ENPP1: variants seen among roughly 807,000 people sequenced by gnomAD.
ENPP1 encodes ectonucleotide pyrophosphatase/phosphodiesterase family member 1.
ENPP1 carries 73 observed loss-of-function variants against 122.8 expected under a neutral mutation model. That is an observed-to-expected ratio of 0.59 (90% CI 0.49 to 0.72). The LOEUF (loss-of-function observed/expected upper bound fraction) is 0.72, where lower values mean the gene tolerates loss of function less well. ENPP1 is among the 30% of genes least tolerant of loss of function. The probability of loss-of-function intolerance (pLI) is 0.00; values close to 1 mark genes in which losing one functional copy is unlikely to be tolerated. For synonymous variants in ENPP1, 367 were observed against 391.6 expected (o/e 0.94, Z 0.74); for missense variants, 978 against 1,128.1 (o/e 0.87, Z 1.91).
At chr6:131,828,354 G>T in intron 1 of ENPP1, 1 of 411,558 alleles carries the variant, frequency 2.4e-6, no homozygotes. Flanking sequence ...ATGATTTTAA[G>T]ATGTGATAAG....
At chr6:131,808,868 C>T (rs373969311) in intron 1 of ENPP1, among the ~76,000 whole-genome samples, 5 of 152,280 alleles carry the variant, frequency 3.3e-5, no homozygotes, top group Admixed American at 3.3e-4. Context: ...CTCTTCTAAC[C>T]AGAGGCTACA....
chr6:131,878,972 T>G (rs188260418), intron 19 of ENPP1, among the ~76,000 whole-genome samples: 2 of 152,210 alleles, frequency 1.3e-5, no homozygotes, highest in Non-Finnish European at 2.9e-5. Flanking sequence ...TATATATTGA[T>G]TTATTGATCT....
intron 1 of ENPP1, among the ~76,000 whole-genome samples, chr6:131,818,827 T>C (rs948729844): frequency 3.3e-5 from 5 of 152,212 alleles, no homozygotes; most frequent in Admixed American, 3.3e-4. Context: ...CAAGCTGAAC[T>C]AATTTTTTTT....
At chr6:131,825,944 TC>T (rs1489942052) in intron 1 of ENPP1, 7 of 487,148 alleles carry the variant, frequency 1.4e-5, no homozygotes, top group African/African-American at 1.3e-4. Flanking sequence ...GAGCATACTT[TC>T]AAAAATGATT....
chr6:131,832,338 C>G (rs1208286870), intron 1 of ENPP1, among the ~76,000 whole-genome samples: 1 of 152,182 alleles, frequency 6.6e-6, no homozygotes, highest in Non-Finnish European at 1.5e-5. Flanking sequence ...CCACCCATGC[C>G]TCCATTGCAC....
At chr6:131,845,585 G>A (rs1781799705) in intron 1 of ENPP1, among the ~76,000 whole-genome samples, 1 of 151,318 alleles carries the variant, frequency 6.6e-6, no homozygotes, top group South Asian at 2.1e-4. Flanking sequence ...GCGCCCCCGA[G>A]CAGCAGGGAT....
intron 1 of ENPP1, among the ~76,000 whole-genome samples, chr6:131,843,962 G>T (rs76420389): frequency 0.018 from 2,673 of 151,996 alleles, 84 homozygotes; most frequent in African/African-American, 0.061. Flanking sequence ...AGTTTGTTTT[G>T]TGTGTGTATG....
At position 131,869,511 on chromosome 6, in the gene ENPP1, C is replaced by G. The variant is rs774719252; in HGVS notation, c.1405+22C>G. 5.6e-6 allele frequency: 9 copies of G among 1,609,802 alleles called. No individual in the cohort carries two copies. In the African/African-American group the frequency reaches 1.1e-4, roughly 19 times the overall value. The stretch of plus-strand genomic sequence containing the variant: ...TCATGTAAGTATATCTCTGTGATAA[C>G]TTTGAATATGGTCATATTAAGAATA... On this transcript the variant is annotated intron_variant, in intron 13 of 24. Transcript: ENST00000647893.
chr6:131,834,362 A>G (rs528867755), intron 1 of ENPP1, among the ~76,000 whole-genome samples: 3 of 152,292 alleles, frequency 2.0e-5, no homozygotes, highest in African/African-American at 7.2e-5. Flanking sequence ...AAAGATTTCA[A>G]ATATAAAGGG....
intron 6 of ENPP1, among the ~76,000 whole-genome samples, chr6:131,858,090 C>G (rs572587898): frequency 6.6e-6 from 1 of 152,114 alleles, no homozygotes; most frequent in African/African-American, 2.4e-5. Flanking sequence ...TTATGTGTTC[C>G]CTCCTCAATA....
intron 1 of ENPP1, among the ~76,000 whole-genome samples, chr6:131,822,803 T>C (rs1409182): frequency 0.89 from 134,767 of 152,138 alleles, 59,955 homozygotes; most frequent in East Asian, 1. Flanking sequence ...CAAGAATTTC[T>C]AGCTTTTTGG....
rs368842220 is a variant in ENPP1 at position 131,862,696 on chromosome 6, A to G, written c.1025+992A>G. 1.0e-3 allele frequency among the ~76,000 whole-genome samples: 154 copies of G among 152,300 alleles called. 7 individuals are homozygous for G. The South Asian group carries it at 0.03, about 30-fold the overall frequency. On this transcript the variant is annotated intron_variant, in intron 9 of 24. Transcript: ENST00000647893. ...CAGGCTGGGTGGTGTCAGCTGATAC[A>G]TGGATTGCAGGGCATGGTCTGGTAA...
intron 1 of ENPP1, among the ~76,000 whole-genome samples, chr6:131,825,827 CCTTT>C (rs1781538917): frequency 6.6e-6 from 1 of 151,922 alleles, no homozygotes; most frequent in South Asian, 2.1e-4. Context: ...AATTGTGTTC[CCTTT>C]CTAATTATAA....
chr6:131,847,688 A>C, intron 1 of ENPP1, 88 bp from the exon 2 acceptor site: 1 of 931,480 alleles, frequency 1.1e-6, no homozygotes, highest in South Asian at 1.5e-5. Context: ...CCTGGGTAAC[A>C]GAGTAAGACA....
Position 131,861,613 on chromosome 6 carries a change from T to C in ENPP1, c.934T>C (p.Tyr312His). The C allele has an allele frequency of 1.2e-6, 2 of 1,612,628 alleles. No individual in the cohort carries two copies. The highest frequency in any genetic ancestry group is 1.7e-6 in the Non-Finnish European group (2 of 1,178,616). Residue 312 changes from tyrosine to histidine, a missense_variant, in exon 9 of 25, where the codon TAT (tyrosine) becomes CAT (histidine). Around this residue, in one of 3 missense-constraint regions of ENPP1, gnomAD observed 644 missense variants for 781.5 expected, o/e 0.82. Transcript: ENST00000647893. ...KGEPIWVTAK[Y>H]QGLKSGTFFW... ...GCTCCAGATTTGGGTCACAGCTAAG[T>C]ATCAAGGCCTCAAGTCTGGCACATT...
intron 12 of ENPP1, 62 bp from the exon 13 acceptor site, chr6:131,869,296 C>T: frequency 6.5e-7 from 1 of 1,536,036 alleles, no homozygotes; most frequent in East Asian, 2.3e-5. Context: ...AGAAGTTCTG[C>T]TCTGCATATT....
intron 22 of ENPP1, 38 bp from the exon 23 acceptor site, chr6:131,884,893 G>T (rs1782355975): frequency 1.9e-6 from 3 of 1,612,082 alleles, no homozygotes; most frequent in Admixed American, 3.3e-5. Flanking sequence ...ATGGTCCCTT[G>T]TTCTTTTGAA....
intron 1 of ENPP1, among the ~76,000 whole-genome samples, chr6:131,824,805 A>T (rs1781525416): frequency 6.6e-6 from 1 of 152,060 alleles, no homozygotes; most frequent in South Asian, 2.1e-4. Flanking sequence ...TCACGCCTGT[A>T]ATCCCAGCAC....
At chr6:131,878,145 A>G (rs572381269) in intron 18 of ENPP1, among the ~76,000 whole-genome samples, 10 of 152,060 alleles carry the variant, frequency 6.6e-5, no homozygotes, top group Non-Finnish European at 1.3e-4. Context: ...CTGTAATCCC[A>G]GTACTTTGGG....
Sources: gnomAD v4.1 joint callset for allele counts (sites outside exome capture counted in the v4.1 genomes callset) on GRCh38, gnomAD v4.1.1 for gene constraint, gnomAD v4.1.1 regional missense constraint, MANE v1.5 for transcripts, NCBI Gene and HGNC (gene_info 2026-07-23, HGNC 2026-07-21) for gene names.